Variants in WDPCP observed in about 807,000 individuals in gnomAD.
WDPCP encodes the protein WD repeat containing planar cell polarity effector, also known as WD repeat-containing and planar cell polarity effector protein fritz homolog.
In WDPCP, 71 loss-of-function variants were observed where a neutral mutation model predicts 93.1. That is an observed-to-expected ratio of 0.76 (90% CI 0.63 to 0.93). The LOEUF (loss-of-function observed/expected upper bound fraction) is 0.93. Ranked by LOEUF, WDPCP falls within the 40% of genes least tolerant of loss-of-function variation. The pLI, the probability that WDPCP is intolerant of heterozygous loss-of-function variation, is 0.00. For missense variants in WDPCP, 844 were observed against 887.4 expected (o/e 0.95, Z 0.62); for synonymous variants, 315 against 315.0 (o/e 1.00, Z 0.00).
intron 14 of WDPCP, among the ~76,000 whole-genome samples, chr2:63,244,389 G>C (rs1357854391): frequency 1.3e-5 from 2 of 152,092 alleles, no homozygotes; most frequent in African/African-American, 4.8e-5. Context: ...ACAAAATTGA[G>C]AGGCAAAAAT....
At chr2:63,348,419 G>A (rs904121823) in intron 12 of WDPCP, among the ~76,000 whole-genome samples, 5 of 152,184 alleles carry the variant, frequency 3.3e-5, no homozygotes, top group African/African-American at 1.2e-4. Context: ...ATACCTAGTA[G>A]AGGGGCTATT....
In WDPCP at chr2:63,134,078, G is replaced by A. The variant is rs143907722; in HGVS notation, c.2191-12022C>T. On this transcript the variant is annotated intron_variant, in intron 17 of 17. Coordinates refer to ENST00000272321, the MANE Select transcript of WDPCP (RefSeq NM_015910.7). ...CATTCTTCCTAGGGGTTTTCTAATCGTTGTTTCCTCTGGTTGTATGTGGTT... is the reference window on the plus strand; with the variant it reads ...CATTCTTCCTAGGGGTTTTCTAATCATTGTTTCCTCTGGTTGTATGTGGTT... Among the ~76,000 whole-genome samples the A allele has an allele frequency of 5.3e-5, 8 of 152,178 alleles. No individual in the cohort carries two copies. The Middle Eastern group carries it at 0.01, about 194-fold the overall frequency.
intron 14 of WDPCP, among the ~76,000 whole-genome samples, chr2:63,205,310 G>A (rs1676257212): frequency 6.6e-6 from 1 of 152,108 alleles, no homozygotes; most frequent in Non-Finnish European, 1.5e-5. Flanking sequence ...TGGCTACTCT[G>A]CGTCTCTTGT....
the WDPCP span, among the ~76,000 whole-genome samples, chr2:63,835,797 T>C: frequency 5.9e-5 from 9 of 152,280 alleles, no homozygotes; most frequent in African/African-American, 1.9e-4. Flanking sequence ...TCTAATGACA[T>C]AGAATTATTC....
At chr2:63,391,192 C>G (rs1693212453) in intron 10 of WDPCP, among the ~76,000 whole-genome samples, 2 of 152,118 alleles carry the variant, frequency 1.3e-5, no homozygotes, top group Admixed American at 1.3e-4. Context: ...GCTTATCCAC[C>G]ACGATCAAGT....
chr2:63,316,583 G>A (rs10201254), intron 12 of WDPCP, among the ~76,000 whole-genome samples: 121,774 of 152,012 alleles, frequency 0.8, 49,645 homozygotes, highest in East Asian at 0.96. Flanking sequence ...AACCTGGGAG[G>A]CAGAGGTTGC....
chr2:63,193,485 G>C (rs1675193986), intron 14 of WDPCP, among the ~76,000 whole-genome samples: 1 of 152,118 alleles, frequency 6.6e-6, no homozygotes, highest in African/African-American at 2.4e-5. Context: ...CTGTTCATAT[G>C]ACATTATTTA....
chr2:63,170,607 C>A (rs1673316355), intron 15 of WDPCP, among the ~76,000 whole-genome samples: 1 of 152,082 alleles, frequency 6.6e-6, no homozygotes, highest in Non-Finnish European at 1.5e-5. Context: ...TTTCAATATA[C>A]CCAGTTGCTT....
chr2:63,596,493 T>C (rs1006471811), intron 3 of WDPCP, among the ~76,000 whole-genome samples: 1 of 152,226 alleles, frequency 6.6e-6, no homozygotes, highest in African/African-American at 2.4e-5. Context: ...TTCCCTGTGC[T>C]TTTTCTCTAA....
At chr2:63,160,623 T>C (rs1672583245) in intron 15 of WDPCP, among the ~76,000 whole-genome samples, 2 of 152,174 alleles carry the variant, frequency 1.3e-5, no homozygotes, top group African/African-American at 4.8e-5. Flanking sequence ...TATCAAGCAT[T>C]TACTCTGCCT....
chr2:63,533,859 C>T (rs1440963104), intron 1 of WDPCP, among the ~76,000 whole-genome samples: 1 of 149,586 alleles, frequency 6.7e-6, no homozygotes, highest in East Asian at 2.0e-4. Context: ...TAACAAAGAT[C>T]AGAGCAGAAC....
intron 2 of WDPCP, among the ~76,000 whole-genome samples, chr2:63,690,744 G>GAAAAC (rs1010557469): frequency 2.0e-5 from 3 of 151,758 alleles, no homozygotes; most frequent in African/African-American, 7.3e-5. Flanking sequence ...CCTGTCTCGA[G>GAAAAC]AAAACAAAAC....
chr2:63,808,081 C>T (rs1254780974), intron 2 of WDPCP, among the ~76,000 whole-genome samples: 1 of 152,100 alleles, frequency 6.6e-6, no homozygotes, highest in Non-Finnish European at 1.5e-5. Flanking sequence ...ACATTAAGAC[C>T]TTTAATTCAC....
At chr2:63,194,633 A>G (rs891227559) in intron 14 of WDPCP, among the ~76,000 whole-genome samples, 3 of 152,148 alleles carry the variant, frequency 2.0e-5, no homozygotes, top group Non-Finnish European at 4.4e-5. Context: ...GCCTATATGG[A>G]AATAAGTAGT....
chr2:63,244,241 T>C (rs537210251), intron 14 of WDPCP, among the ~76,000 whole-genome samples: 26 of 152,272 alleles, frequency 1.7e-4, no homozygotes, highest in African/African-American at 6.3e-4. Flanking sequence ...GGAAAGTTTA[T>C]AGTTAAACAC....
the WDPCP span, among the ~76,000 whole-genome samples, chr2:63,834,088 A>G: frequency 2.6e-5 from 4 of 152,140 alleles, no homozygotes; most frequent in Non-Finnish European, 5.9e-5. Context: ...AGCTTAAGCA[A>G]AGGTCTATCT....
intron 6 of WDPCP, among the ~76,000 whole-genome samples, chr2:63,446,227 C>A (rs187183253): frequency 2.3e-4 from 35 of 152,276 alleles, no homozygotes; most frequent in Admixed American, 2.2e-3. Flanking sequence ...TGTTAGCAAC[C>A]GGGCCACACA....
rs533096983 is a variant in WDPCP at position 63,319,645 on chromosome 2, A to G, written c.1749-6334T>C. 2.6e-5 allele frequency among the ~76,000 whole-genome samples: 4 copies of G among 152,112 alleles called. No homozygotes were observed. The South Asian group carries it at 6.2e-4, about 24-fold the overall frequency. On this transcript the variant is annotated intron_variant, in intron 12 of 17. Transcript: ENST00000272321. Reference sequence around the variant, plus strand: ...AGGGGCCCACTACCGCGCCTGGCTAATTTTTTGTATTTTTAGTAGAGATGG... The same window carrying G: ...AGGGGCCCACTACCGCGCCTGGCTAGTTTTTTGTATTTTTAGTAGAGATGG...
chr2:63,714,055 CTTT>C (rs747120283), intron 2 of WDPCP, among the ~76,000 whole-genome samples: 7 of 135,062 alleles, frequency 5.2e-5, no homozygotes, highest in Admixed American at 7.5e-5. Flanking sequence ...CTTTTTTATT[CTTT>C]TTTTTTTTTT....
Sources: gnomAD v4.1 joint callset for allele counts (sites outside exome capture counted in the v4.1 genomes callset) on GRCh38, gnomAD v4.1.1 for gene constraint, MANE v1.5 for transcripts, NCBI Gene and HGNC (gene_info 2026-07-23, HGNC 2026-07-21) for gene names.